C3: variants seen among roughly 807,000 people sequenced by gnomAD.
C3 encodes the protein C3 and PZP-like alpha-2-macroglobulin domain-containing protein 1.
A neutral mutation model predicts 207.9 loss-of-function variants in C3; 97 were observed. The observed-to-expected ratio is 0.47, with a 90% confidence interval of 0.40 to 0.55. The LOEUF is 0.55. C3 is among the 20% of genes least tolerant of loss of function. The pLI, the probability that C3 is intolerant of heterozygous loss-of-function variation, is 0.00. For synonymous variants in C3, 848 were observed against 857.6 expected, an observed-to-expected ratio of 0.99 and a Z score of 0.20; for missense variants, 1,684 against 2,171.7, an observed-to-expected ratio of 0.78 and a Z score of 4.46.
chr19:6,686,588 G>C, intron 28 of C3, 158 bp downstream of exon 28: 5 of 862,812 alleles, frequency 5.8e-6, no homozygotes, highest in Non-Finnish European at 7.8e-6. Flanking sequence ...CTCAGCTCAG[G>C]GTTATGCATC....
rs1255519281 is a variant in C3, at chr19:6,694,544, T to C, written c.3041A>G (p.Asn1014Ser). The C allele has an allele frequency of 1.2e-6, 2 of 1,613,986 alleles. No individual in the cohort carries two copies. Among genetic ancestry groups the C allele is most frequent in the Non-Finnish European group, 1.7e-6 (2 of 1,179,996 alleles). ...GACCGTGGGCGTCATGCCGATCATGTTCTGTTCCCCGCAGCCCGAGGGGGT... is the reference window on the plus strand; with the variant it reads ...GACCGTGGGCGTCATGCCGATCATGCTCTGTTCCCCGCAGCCCGAGGGGGT... ...IVTPSGCGEQ[N>S]MIGMTPTVIA... Residue 1014 changes from asparagine to serine, a missense_variant, in exon 24 of 41, where the codon AAC becomes AGC. Physicochemically the swap from Asn to Ser is conservative, Grantham distance 46. Transcript: ENST00000245907.
At chr19:6,718,771 G>A (rs756889231) in intron 2 of C3, among the ~76,000 whole-genome samples, 11 of 150,356 alleles carry the variant, frequency 7.3e-5, no homozygotes, top group Non-Finnish European at 1.5e-4. Flanking sequence ...CAGAAGAGGA[G>A]ACTTCGAGGG....
chr19:6,684,891 T>C, intron 30 of C3, 57 bp from the exon 31 acceptor site: 1 of 1,606,530 alleles, frequency 6.2e-7, no homozygotes, highest in South Asian at 1.1e-5. Flanking sequence ...CTGCTGCCTG[T>C]GATGGTCACC....
intron 21 of C3, 142 bp downstream of exon 21, chr19:6,697,202 A>G: frequency 3.0e-6 from 2 of 662,996 alleles, no homozygotes; most frequent in Non-Finnish European, 5.1e-6. Context: ...CTGCTTCTGA[A>G]ATTCTGGGAC....
chr19:6,679,779 C>G (rs559465713), intron 36 of C3, among the ~76,000 whole-genome samples: 1 of 152,046 alleles, frequency 6.6e-6, no homozygotes, highest in African/African-American at 2.4e-5. Flanking sequence ...TATCTAGAAT[C>G]CTTAGACCCT....
At chr19:6,692,393 C>G (rs1040157053) in intron 26 of C3, among the ~76,000 whole-genome samples, 1 of 152,170 alleles carries the variant, frequency 6.6e-6, no homozygotes, top group Non-Finnish European at 1.5e-5. Flanking sequence ...ACGGGACTTT[C>G]TAAGAACTGA....
At chr19:6,702,246 G>T in intron 18 of C3, 34 bp from the exon 19 acceptor site, 1 of 1,349,502 alleles carries the variant, frequency 7.4e-7, no homozygotes, top group Non-Finnish European at 1.1e-6. Context: ...ATTAGGAGAT[G>T]TCATCTAGCA....
At chr19:6,707,668 G>C in intron 15 of C3, 131 bp from the exon 16 acceptor site, 1 of 1,524,704 alleles carries the variant, frequency 6.6e-7, no homozygotes, top group South Asian at 1.1e-5. Context: ...GAGGCTCAGA[G>C]GGGAGGGATT....
chr19:6,714,573 G>A, intron 4 of C3, 127 bp from the exon 5 acceptor site: 1 of 754,450 alleles, frequency 1.3e-6, no homozygotes, highest in Admixed American at 2.0e-5. Flanking sequence ...GTTAAGAACA[G>A]GGACCCAGGT....
intron 27 of C3, among the ~76,000 whole-genome samples, chr19:6,689,332 C>CTACCTACCTACCTACCTACCTACCTCTCT: frequency 2.2e-5 from 1 of 44,534 alleles, no homozygotes; most frequent in Admixed American, 2.2e-4. Context: ...TACCTACCTC[C>CTACCTACCTACCTACCTACCTACCTCTCT]CTCCCTCCCT....
intron 9 of C3, 104 bp from the exon 10 acceptor site, chr19:6,712,727 G>A: frequency 1.0e-6 from 1 of 955,682 alleles, no homozygotes; most frequent in Admixed American, 1.8e-5. Flanking sequence ...CTCCCTCAGA[G>A]TAGAGTCCAC....
chr19:6,712,124 C>T (rs1967933748), intron 11 of C3, 133 bp downstream of exon 11: 1 of 1,170,760 alleles, frequency 8.5e-7, no homozygotes, highest in South Asian at 1.3e-5. Context: ...GGCAGGACCC[C>T]TCTGCGCAGG....
In C3 at chr19:6,701,501, C is replaced by T. The variant is rs1296235374; in HGVS notation, c.2440+626G>A. On this transcript the variant is annotated intron_variant, in intron 19 of 40. Coordinates refer to ENST00000245907, the MANE Select transcript of C3 (RefSeq NM_000064.4). ...TTCTGTTGAGCAGCCATGTCTGTGT[C>T]GTCTTTCAGAGCATACGGTCACTTT... is the stretch of plus-strand genomic sequence containing the variant. Among the ~76,000 whole-genome samples, 4 of 152,106 alleles carry T rather than the reference C, an allele frequency of 2.6e-5. No homozygotes were observed. The East Asian group carries it at 7.7e-4, about 29-fold the overall frequency.
In C3 at chr19:6,709,984, A is replaced by AGGGAGG. The variant is rs1486374558; in HGVS notation, c.1687-143_1687-142insCCTCCC. The stretch of plus-strand genomic sequence containing the variant: ...TGGGGAGGGGGAGAGAGAGGGAGAG[A>AGGGAGG]GAGAGAAAGGGAGAGAGGGAGGGAG... On this transcript the variant is annotated intron_variant, in intron 13 of 40. Coordinates refer to ENST00000245907, the MANE Select transcript of C3 (RefSeq NM_000064.4). 35 of 475,394 alleles carry AGGGAGG rather than the reference A, an allele frequency of 7.4e-5. No individual in the cohort carries two copies. In the African/African-American group the frequency reaches 8.4e-4, roughly 11 times the overall value. The allele number at this position is 475,394 out of a possible 1,614,324, so 29.4% of individuals were successfully genotyped here. A position where few individuals can be genotyped will look rare whatever the true frequency, so the allele number is the denominator to read the frequency against.
chr19:6,710,530 A>G lies in C3; in HGVS notation c.1686+109T>C, dbSNP rs140666815. 805 of 813,576 alleles carry G rather than the reference A, an allele frequency of 9.9e-4. 6 individuals are homozygous for G. The African/African-American group carries it at 0.013, about 13-fold the overall frequency. The allele number at this position is 813,576 out of a possible 1,614,324, so 50.4% of individuals were successfully genotyped here. ...GAGAGGAAGAGAAGAGAGAGAAAGG[A>G]GAGAGAAAAGGAGAAAGGGAGAGAG... On this transcript the variant is annotated intron_variant, in intron 13 of 40. Coordinates refer to ENST00000245907, the MANE Select transcript of C3 (RefSeq NM_000064.4).
rs74722736 is a variant in C3, at chr19:6,684,587, C to T, written c.4093G>A (p.Val1365Ile). The change falls in exon 32 of 41, where the codon GTC (valine) becomes ATC (isoleucine). Residue 1365 changes from valine (V) to isoleucine (I), a missense_variant. Around this residue, in one of 3 missense-constraint regions of C3, gnomAD observed 346 missense variants for 380.1 expected, o/e 0.91. Coordinates refer to ENST00000245907, the MANE Select transcript of C3 (RefSeq NM_000064.4). Reference protein sequence around the residue: ...QLTCNKFDLKVTIKPAPETEK... With the variant: ...QLTCNKFDLKITIKPAPETEK... ...GTTTCCGGTGCTGGTTTTATGGTGA[C>T]CTTGAGGTCGAATTTATTACAGGTG... 2 of 1,614,038 alleles carry T rather than the reference C, an allele frequency of 1.2e-6. No homozygotes were observed. The highest frequency in any genetic ancestry group is 1.7e-6 in the Non-Finnish European group (2 of 1,179,954).
Position 6,714,389 on chromosome 19 carries a change from C to T in C3, c.562G>A (p.Val188Ile), listed in dbSNP as rs765821415. 64 of 1,613,726 alleles carry T rather than the reference C, an allele frequency of 4.0e-5. No homozygotes were observed. The highest frequency in any genetic ancestry group is 1.3e-4 in the South Asian group (12 of 91,090). The stretch of plus-strand genomic sequence containing the variant: ...GGAATGTCCCAAGACAAGGGCAAGA[C>T]GCCAAGCTGGTTCTGAGAAGACAAG... ...DSLSSQNQLGVLPLSWDIPEL... is the reference protein window; with the variant it reads ...DSLSSQNQLGILPLSWDIPEL... The change falls in exon 5 of 41, where the codon GTC becomes ATC. Residue 188 changes from valine (V) to isoleucine (I), a missense_variant. Val to Ile is a conservative substitution (Grantham distance 29). Coordinates refer to ENST00000245907, the MANE Select transcript of C3 (RefSeq NM_000064.4).
At chr19:6,707,996 G>A in intron 14 of C3, 67 bp from the exon 15 acceptor site, 1 of 1,591,070 alleles carries the variant, frequency 6.3e-7, no homozygotes, top group Non-Finnish European at 8.6e-7. Context: ...CCCCACATAT[G>A]CACCTGTGTA....
chr19:6,685,973 T>C (rs2145397688), intron 29 of C3, 151 bp downstream of exon 29: 1 of 822,868 alleles, frequency 1.2e-6, no homozygotes, highest in East Asian at 2.5e-5. Context: ...GGTTTGCAAG[T>C]AATAAAAACT....
Sources: gnomAD v4.1 joint callset for allele counts (sites outside exome capture counted in the v4.1 genomes callset) on GRCh38, gnomAD v4.1.1 for gene constraint, gnomAD v4.1.1 regional missense constraint, MANE v1.5 for transcripts, NCBI Gene and HGNC (gene_info 2026-07-23, HGNC 2026-07-21) for gene names.